CHD4: variants seen among roughly 807,000 people sequenced by gnomAD.
The protein encoded by CHD4 is chromodomain helicase DNA binding protein 4, also known as ATP-dependent chromatin remodeler CHD4.
A neutral mutation model predicts 235.5 loss-of-function variants in CHD4; 35 were observed. The ratio of observed to expected loss-of-function variants is 0.15; its 90% CI spans 0.11 to 0.20. The LOEUF (loss-of-function observed/expected upper bound fraction) is 0.20. CHD4 is among the 10% of genes least tolerant of loss of function. The pLI is 1.00. For missense variants in CHD4, 1,329 were observed against 2,432.3 expected (o/e 0.55, Z 9.54); for synonymous variants, 900 against 850.2 (o/e 1.06, Z -1.02).
intron 24 of CHD4, 35 bp downstream of exon 24, chr12:6,587,677 C>T (rs1948323902): frequency 6.2e-7 from 1 of 1,609,092 alleles, no homozygotes; most frequent in Non-Finnish European, 8.5e-7. Context: ...AGAGGCCAAG[C>T]CCCACACCAA....
At position 6,570,519 on chromosome 12, in the gene CHD4, C is replaced by G. The variant is rs1057310026; in HGVS notation, c.*157G>C. 2.4e-6 allele frequency: 2 copies of G among 835,166 alleles called. No homozygotes were observed. The highest frequency in any genetic ancestry group is 3.8e-6 in the Non-Finnish European group (2 of 526,930). 51.7% of individuals were successfully genotyped at this position (835,166 alleles called of 1,614,324 possible). A position where few individuals can be genotyped will look rare whatever the true frequency, so the allele number is the denominator to read the frequency against. On this transcript the variant is annotated 3_prime_UTR_variant, in exon 40 of 40. Transcript: ENST00000544040. ...AGGAAGGGCACCACTGCCCCTCACTCCCTCCCCTCCCCCAGTGCACTGGGG... is the reference window on the plus strand; with the variant it reads ...AGGAAGGGCACCACTGCCCCTCACTGCCTCCCCTCCCCCAGTGCACTGGGG...
chr12:6,605,009 C>G (rs1565621193), intron 2 of CHD4, among the ~76,000 whole-genome samples: 2 of 152,058 alleles, frequency 1.3e-5, no homozygotes, highest in Admixed American at 6.5e-5. Context: ...CTGCCCCCTA[C>G]TCTACACAAG....
rs779177743 is a variant in CHD4 at position 6,600,340 on chromosome 12, G to A, written c.1119C>T (p.Cys373=). Residue 373 remains cysteine (C), a synonymous_variant, in exon 9 of 40, where the codon TGC becomes TGT. Coordinates refer to ENST00000544040, the MANE Select transcript of CHD4 (RefSeq NM_001273.5). ...DGYETDHQDY[C]EVCQQGGEII... is the part of the protein sequence containing the mutation. Reference sequence around the variant, plus strand: ...TCTCACCGCCTTGCTGGCACACCTCGCAATAGTCCTGGTGGTCTGTCTCAT... The same window carrying A: ...TCTCACCGCCTTGCTGGCACACCTCACAATAGTCCTGGTGGTCTGTCTCAT... 3.8e-5 allele frequency: 61 copies of A among 1,614,030 alleles called. No individual in the cohort carries two copies. Among genetic ancestry groups the A allele is most frequent in the Middle Eastern group, 3.3e-4 (2 of 6,062 alleles).
chr12:6,572,278 T>C (rs1488530882), intron 38 of CHD4, among the ~76,000 whole-genome samples: 1 of 139,048 alleles, frequency 7.2e-6, no homozygotes, highest in Non-Finnish European at 1.5e-5. Flanking sequence ...ATACAAAAAT[T>C]AGCCACAAGT....
chr12:6,574,540 A>T (rs919113074), intron 37 of CHD4, among the ~76,000 whole-genome samples: 4 of 152,238 alleles, frequency 2.6e-5, no homozygotes, highest in Non-Finnish European at 5.9e-5. Flanking sequence ...ATGACTCAAC[A>T]TAAGAGAAGA....
chr12:6,600,071 G>A, intron 9 of CHD4, 59 bp from the exon 10 acceptor site: 2 of 1,458,968 alleles, frequency 1.4e-6, no homozygotes, highest in South Asian at 1.2e-5. Flanking sequence ...GCAGTCTGAA[G>A]CCAGTGCCCA....
At chr12:6,578,275 A>T in intron 35 of CHD4, 134 bp downstream of exon 35, 1 of 1,371,550 alleles carries the variant, frequency 7.3e-7, no homozygotes, top group Admixed American at 1.8e-5. Flanking sequence ...CTTTCTCCAC[A>T]GAACCCACTA....
intron 23 of CHD4, 63 bp from the exon 24 acceptor site, chr12:6,588,012 T>C: frequency 1.3e-6 from 2 of 1,490,686 alleles, no homozygotes; most frequent in African/African-American, 2.8e-5. Context: ...TTATCCTGAC[T>C]TCCACATAAT....
At chr12:6,572,140 T>C (rs1422526287) in intron 38 of CHD4, among the ~76,000 whole-genome samples, 1 of 130,916 alleles carries the variant, frequency 7.6e-6, no homozygotes, top group African/African-American at 2.9e-5. Flanking sequence ...AAAAAAAAGG[T>C]GGCCAGGGCG....
chr12:6,603,044 C>A (rs1948626884), intron 2 of CHD4: 1 of 152,506 alleles, frequency 6.6e-6, no homozygotes, highest in African/African-American at 2.4e-5. Context: ...CAGGTGCCAG[C>A]TCAATCTCAT....
At chr12:6,605,549 C>G (rs893646003) in intron 2 of CHD4, among the ~76,000 whole-genome samples, 2 of 152,154 alleles carry the variant, frequency 1.3e-5, no homozygotes, top group Non-Finnish European at 2.9e-5. Context: ...CAGCCTAAAC[C>G]GCAGGCTACC....
intron 22 of CHD4, chr12:6,591,097 T>C (rs1028447811): frequency 8.3e-6 from 1 of 120,776 alleles, no homozygotes; most frequent in South Asian, 2.6e-4. Context: ...CACTCCAGCC[T>C]GGGCGACAGA....
intron 12 of CHD4, among the ~76,000 whole-genome samples, chr12:6,597,540 G>A (rs1163440597): frequency 6.6e-6 from 1 of 152,136 alleles, no homozygotes; most frequent in Non-Finnish European, 1.5e-5. Flanking sequence ...AAGGCAGGCA[G>A]ATCACCTGAG....
At chr12:6,585,767 C>A (rs576723445) in intron 25 of CHD4, among the ~76,000 whole-genome samples, 33 of 144,428 alleles carry the variant, frequency 2.3e-4, no homozygotes, top group Non-Finnish European at 4.4e-4. Context: ...CCAGCCTGGG[C>A]GGGAAAGCAA....
Position 6,600,552 on chromosome 12 carries a change from T to C in CHD4, c.1045A>G (p.Thr349Ala). The change falls in exon 8 of 40, where the codon ACT (threonine) becomes GCT (alanine). Residue 349 changes from threonine to alanine, a missense_variant. By Grantham distance (58) the Thr-to-Ala change is moderately conservative (BLOSUM62 0). This residue lies in a region of CHD4 where 160 missense variants were observed against 196.6 expected (regional missense o/e 0.81). Coordinates refer to ENST00000544040, the MANE Select transcript of CHD4 (RefSeq NM_001273.5). ...SSRSRKKLRT[T>A]KKKKKGEEEV... The stretch of plus-strand genomic sequence containing the variant: ...AACACACCTTTCTTTTTCTTTTTAG[T>C]GGTTCGGAGTTTCTTGCGGCTGCGG... 2.5e-6 allele frequency: 4 copies of C among 1,613,896 alleles called. No individual in the cohort carries two copies. Among genetic ancestry groups the C allele is most frequent in the South Asian group, 1.1e-5 (1 of 91,064 alleles).
Position 6,593,195 on chromosome 12 carries a change from TC to T in CHD4, c.2547del (p.Thr850HisfsTer5). Reference protein sequence around the residue: ...KEASVKFHVLLTSYELITIDM... With the variant: ...KEASVKFHVLXTSYELITIDM... ...TCAATGGTGATCAATTCATAGGATG[TC>T]AGCAGCACATGGAATTTCACAGATG... On this transcript the variant is annotated frameshift_variant, in exon 17 of 40. Transcript: ENST00000544040. LOFTEE classifies it high-confidence loss of function. This position sits in a 1 kb window ranked among gnomAD's most constrained non-coding sequence, Gnocchi z 4.9. 6.2e-7 allele frequency: 1 copy of T among 1,614,178 alleles called. No homozygotes were observed. The highest frequency in any genetic ancestry group is 8.5e-7 in the Non-Finnish European group (1 of 1,180,048).
intron 22 of CHD4, 75 bp downstream of exon 22, chr12:6,591,391 G>A: frequency 3.6e-6 from 4 of 1,124,036 alleles, no homozygotes; most frequent in Non-Finnish European, 5.2e-6. Context: ...CAGAAAAGGA[G>A]ATGCACAAGA....
Position 6,582,235 on chromosome 12 carries a change from C to T in CHD4, c.4417G>A (p.Asp1473Asn). 1 of 1,602,088 alleles carries T rather than the reference C, an allele frequency of 6.2e-7. No individual in the cohort carries two copies. The change falls in exon 30 of 40, where the codon GAT becomes AAT. Residue 1473 changes from aspartate to asparagine, a missense_variant. This residue lies in a region of CHD4 where 48 missense variants were observed against 109.6 expected (regional missense o/e 0.44). Coordinates refer to ENST00000544040, the MANE Select transcript of CHD4 (RefSeq NM_001273.5). Reference protein sequence around the residue: ...FMRHLCEPGADGAETFADGVP... With the variant: ...FMRHLCEPGANGAETFADGVP... The stretch of plus-strand genomic sequence containing the variant: ...CCATCAGCAAAGGTCTCAGCCCCAT[C>T]TGCCCCCGGCTCACATAAATGCCGC...
rs757337711 is a variant in CHD4, at chr12:6,593,600, G to A, written c.2330C>T (p.Pro777Leu). The A allele has an allele frequency of 6.2e-7, 1 of 1,614,088 alleles. No individual in the cohort carries two copies. The stretch of plus-strand genomic sequence containing the variant: ...AGAAAGAGGGGCGCTCACTAGGAAG[G>A]GGCCTTTGGAATGACCCTTTGAGAA... Reference protein sequence around the residue: ...SLYKEGHSKGPFLVSAPLSTI... With the variant: ...SLYKEGHSKGLFLVSAPLSTI... The change falls in exon 16 of 40, where the codon CCC (proline) becomes CTC (leucine). Residue 777 changes from proline to leucine, a missense_variant. Transcript: ENST00000544040. This position sits in a 1 kb window ranked among gnomAD's most constrained non-coding sequence, Gnocchi z 4.9.
Sources: gnomAD v4.1 joint callset for allele counts (sites outside exome capture counted in the v4.1 genomes callset) on GRCh38, gnomAD v4.1.1 for gene constraint, gnomAD v4.1.1 regional missense constraint, Gnocchi (gnomAD v3.1) non-coding constraint, MANE v1.5 for transcripts, NCBI Gene and HGNC (gene_info 2026-07-23, HGNC 2026-07-21) for gene names.